DOCK7: variants seen among roughly 807,000 people sequenced by gnomAD.
DOCK7 encodes dedicator of cytokinesis protein 7.
A neutral mutation model predicts 271.0 loss-of-function variants in DOCK7; 138 were observed. The observed-to-expected ratio is 0.51, with a 90% CI of 0.44 to 0.59. DOCK7 has a LOEUF of 0.59. Among genes scored for constraint, DOCK7 ranks in the 20% least tolerant of loss-of-function variants. DOCK7 has a pLI of 0.00. For synonymous variants in DOCK7, 823 were observed against 876.1 expected (o/e 0.94, Z 1.07); for missense variants, 2,066 against 2,592.4 (o/e 0.80, Z 4.41).
chr1:62,601,195 T>C (rs1459849867), intron 14 of DOCK7: 1 of 1,581,640 alleles, frequency 6.3e-7, no homozygotes, highest in Non-Finnish European at 8.7e-7. Flanking sequence ...TAAAACATGA[T>C]GGTAAGACAC....
Position 62,505,803 on chromosome 1 carries a change from G to A in DOCK7, c.4490C>T (p.Thr1497Met), listed in dbSNP as rs200226943. 3.2e-5 allele frequency: 52 copies of A among 1,609,404 alleles called. No homozygotes were observed. The Admixed American group carries it at 5.8e-4, about 18-fold the overall frequency. Residue 1497 changes from threonine to methionine, a missense_variant, in exon 36 of 50, where the codon ACG becomes ATG. Thr to Met is a moderately conservative substitution (Grantham distance 81). Around this residue, in one of 2 missense-constraint regions of DOCK7, gnomAD observed 652 missense variants for 922.1 expected, o/e 0.71. Coordinates refer to ENST00000635253, the MANE Select transcript of DOCK7 (RefSeq NM_001367561.1). ...ACCAAGAATGCTCTCTTTGGATTCC[G>A]TTACAGAAACGGTCTGCAATTTAAA... ...LEIVVQTVSV[T>M]ESKESILGGV...
chr1:62,607,488 T>C (rs1571748846), intron 14 of DOCK7, among the ~76,000 whole-genome samples: 1 of 152,212 alleles, frequency 6.6e-6, no homozygotes, highest in East Asian at 1.9e-4. Flanking sequence ...TGTCTTTAAC[T>C]TCAGTGCTAG....
At chr1:62,455,512 C>G in intron 49 of DOCK7, 56 bp from the exon 50 acceptor site, 1 of 1,498,970 alleles carries the variant, frequency 6.7e-7, no homozygotes, top group Non-Finnish European at 9.3e-7. Context: ...TTGCATATAC[C>G]TTTAAATGTC....
chr1:62,544,825 A>G (rs1645648705), intron 23 of DOCK7, 122 bp downstream of exon 23: 1 of 729,336 alleles, frequency 1.4e-6, no homozygotes, highest in Non-Finnish European at 2.2e-6. Flanking sequence ...TAAGTAAACA[A>G]AAATACACAC....
intron 22 of DOCK7, among the ~76,000 whole-genome samples, chr1:62,551,563 A>C (rs1645905905): frequency 6.6e-6 from 1 of 152,136 alleles, no homozygotes; most frequent in Non-Finnish European, 1.5e-5. Flanking sequence ...CAATAAAATA[A>C]GAAAAAATGA....
chr1:62,492,667 T>C (rs1646500587), intron 41 of DOCK7, 37 bp downstream of exon 41: 1 of 1,611,852 alleles, frequency 6.2e-7, no homozygotes, highest in South Asian at 1.1e-5. Flanking sequence ...ATTAGAGGTA[T>C]GAAACTGTGG....
chr1:62,523,184 C>T (rs992015694), intron 31 of DOCK7, among the ~76,000 whole-genome samples: 1 of 152,034 alleles, frequency 6.6e-6, no homozygotes, highest in Non-Finnish European at 1.5e-5. Flanking sequence ...TGGAACTTTA[C>T]AAGCTGATTT....
intron 14 of DOCK7, chr1:62,602,032 G>T: frequency 1.6e-6 from 1 of 614,166 alleles, no homozygotes; most frequent in Admixed American, 3.0e-5. Flanking sequence ...CCTTGTTTAT[G>T]TATTTACTCA....
chr1:62,629,477 C>T (rs1654352863), intron 11 of DOCK7: 1 of 152,062 alleles, frequency 6.6e-6, no homozygotes, highest in African/African-American at 2.4e-5. Flanking sequence ...AAGCTAGCCA[C>T]AAAAGACTAC....
At chr1:62,663,962 A>G (rs968429298) in intron 1 of DOCK7, among the ~76,000 whole-genome samples, 6 of 152,236 alleles carry the variant, frequency 3.9e-5, no homozygotes, top group Admixed American at 6.5e-5. Flanking sequence ...GGGTAACTGG[A>G]TAAACAAACT....
chr1:62,675,652 G>A (rs1660472151), intron 1 of DOCK7, among the ~76,000 whole-genome samples: 1 of 151,850 alleles, frequency 6.6e-6, no homozygotes, highest in Non-Finnish European at 1.5e-5. Context: ...AGGCATAGTG[G>A]CGGGTGCCTG....
chr1:62,633,363 T>C, intron 10 of DOCK7, 135 bp downstream of exon 10: 1 of 659,226 alleles, frequency 1.5e-6, no homozygotes. Flanking sequence ...ATAGTACTAG[T>C]AAAATTCCTT....
At chr1:62,635,126 T>A in intron 8 of DOCK7, 1 of 368,256 alleles carries the variant, frequency 2.7e-6, no homozygotes, top group Non-Finnish European at 4.8e-6. Context: ...TCATGTTAAA[T>A]AATTCTCAAA....
At chr1:62,641,218 C>G (rs1293768151) in intron 7 of DOCK7, 2 of 386,556 alleles carry the variant, frequency 5.2e-6, no homozygotes, top group African/African-American at 4.2e-5. Context: ...GCTGTCTTTT[C>G]TTCCAGTAGT....
At chr1:62,633,089 T>G (rs1224539903) in intron 10 of DOCK7, among the ~76,000 whole-genome samples, 2 of 152,206 alleles carry the variant, frequency 1.3e-5, no homozygotes, top group East Asian at 3.8e-4. Context: ...TGCAGTCAGA[T>G]GGAAGACAAG....
chr1:62,454,929 T>C lies in DOCK7; in HGVS notation c.*485A>G. On this transcript the variant is annotated 3_prime_UTR_variant, in exon 50 of 50. Transcript: ENST00000635253. ...ATCTATGATTTTTATTCTGCTAGGT[T>C]TGGAACTAGTTCTTGAGTCAACCCT... 1 of 308,726 alleles carries C rather than the reference T, an allele frequency of 3.2e-6. No homozygotes were observed. 19.1% of individuals were successfully genotyped at this position (308,726 alleles called of 1,614,324 possible).
At chr1:62,457,791 A>G in intron 48 of DOCK7, 86 bp from the exon 49 acceptor site, 33 of 1,225,786 alleles carry the variant, frequency 2.7e-5, no homozygotes, top group Non-Finnish European at 3.1e-5. Flanking sequence ...ACATATACAT[A>G]TATATGTGGG....
At chr1:62,462,347 C>A (rs1181172930) in intron 48 of DOCK7, among the ~76,000 whole-genome samples, 5 of 152,066 alleles carry the variant, frequency 3.3e-5, no homozygotes, top group African/African-American at 1.2e-4. Context: ...AGTCCTTCAA[C>A]AAAACAAGGT....
At chr1:62,495,405 A>G (rs1646591252) in intron 39 of DOCK7, 176 bp downstream of exon 39, 1 of 397,978 alleles carries the variant, frequency 2.5e-6, no homozygotes, top group South Asian at 5.7e-5. Flanking sequence ...CAGCCTGGGC[A>G]ATATGGTAAA....
Sources: gnomAD v4.1 joint callset for allele counts (sites outside exome capture counted in the v4.1 genomes callset) on GRCh38, gnomAD v4.1.1 for gene constraint, gnomAD v4.1.1 regional missense constraint, MANE v1.5 for transcripts, NCBI Gene and HGNC (gene_info 2026-07-23, HGNC 2026-07-21) for gene names.